OPCML: variants seen among roughly 807,000 people sequenced by gnomAD.
OPCML encodes the protein opioid binding protein/cell adhesion molecule like, also known as opioid-binding protein/cell adhesion molecule.
A neutral mutation model predicts 37.8 loss-of-function variants in OPCML; 13 were observed. The observed-to-expected ratio is 0.34, with a 90% confidence interval of 0.22 to 0.55. The LOEUF (loss-of-function observed/expected upper bound fraction) is 0.55, where lower values mean the gene tolerates loss of function less well. Among genes scored for constraint, OPCML ranks in the 20% least tolerant of loss-of-function variants. The pLI is 0.91. For missense variants in OPCML, 341 were observed against 435.6 expected (o/e 0.78, Z 1.93); for synonymous variants, 176 against 168.8 (o/e 1.04, Z -0.33).
At chr11:133,124,163 A>G (rs1949463089) in intron 1 of OPCML, among the ~76,000 whole-genome samples, 1 of 100,530 alleles carries the variant, frequency 9.9e-6, no homozygotes, top group Non-Finnish European at 2.0e-5. Flanking sequence ...CCATACCCTC[A>G]GGAAATTTAG....
intron 2 of OPCML, among the ~76,000 whole-genome samples, chr11:132,739,507 C>T (rs1435626443): frequency 1.3e-5 from 2 of 152,208 alleles, no homozygotes; most frequent in Non-Finnish European, 2.9e-5. Flanking sequence ...ACCAATCAAC[C>T]AGCTATAGCC....
At chr11:133,138,477 C>G (rs1428668780) in intron 1 of OPCML, among the ~76,000 whole-genome samples, 1 of 152,312 alleles carries the variant, frequency 6.6e-6, no homozygotes, top group South Asian at 2.1e-4. Context: ...TCTATGGTGG[C>G]TAGACAGCCA....
At chr11:132,642,776 T>G (rs1940928492) in intron 3 of OPCML, among the ~76,000 whole-genome samples, 1 of 152,182 alleles carries the variant, frequency 6.6e-6, no homozygotes, top group African/African-American at 2.4e-5. Context: ...CATAGCAAGG[T>G]TGAGTAAATC....
chr11:132,860,921 T>C (rs1052288788), intron 2 of OPCML: 1 of 152,202 alleles, frequency 6.6e-6, no homozygotes, highest in African/African-American at 2.4e-5. Context: ...AAATTTTGTT[T>C]CTCTTTTTGT....
At chr11:133,478,054 T>G (rs80086463) in intron 1 of OPCML, among the ~76,000 whole-genome samples, 2,318 of 152,264 alleles carry the variant, frequency 0.015, 63 homozygotes, top group African/African-American at 0.053. Context: ...ACTAATTAAG[T>G]GGAATTAGTA....
At chr11:132,596,362 CT>C (rs1013938739) in intron 3 of OPCML, among the ~76,000 whole-genome samples, 5 of 151,032 alleles carry the variant, frequency 3.3e-5, no homozygotes, top group African/African-American at 4.9e-5. Context: ...TCTTCTTTTT[CT>C]TTTTTTTTAA....
chr11:133,330,607 G>A (rs554977779), intron 1 of OPCML, among the ~76,000 whole-genome samples: 3 of 151,256 alleles, frequency 2.0e-5, no homozygotes, highest in East Asian at 3.9e-4. Context: ...AACACCAGAT[G>A]TTCTCACTCA....
At chr11:132,543,703 T>C (rs1378504513) in intron 3 of OPCML, among the ~76,000 whole-genome samples, 1 of 152,138 alleles carries the variant, frequency 6.6e-6, no homozygotes, top group Non-Finnish European at 1.5e-5. Context: ...TACACAGTAA[T>C]GGTTCTTTAT....
At chr11:132,444,298 C>T (rs147438575) in intron 4 of OPCML, among the ~76,000 whole-genome samples, 1 of 152,166 alleles carries the variant, frequency 6.6e-6, no homozygotes, top group Non-Finnish European at 1.5e-5. Flanking sequence ...CTCTAGAAAC[C>T]TGTGAGGGTT....
intron 1 of OPCML, among the ~76,000 whole-genome samples, chr11:133,332,297 C>G (rs1053810143): frequency 2.6e-5 from 4 of 152,116 alleles, no homozygotes; most frequent in Non-Finnish European, 5.9e-5. Context: ...TGCAACTTTG[C>G]TGATGTTTTT....
chr11:133,344,658 A>T (rs1303920690), intron 1 of OPCML, among the ~76,000 whole-genome samples: 1 of 151,998 alleles, frequency 6.6e-6, no homozygotes, highest in African/African-American at 2.4e-5. Flanking sequence ...AACCCCCCAC[A>T]CTTCTATCTC....
intron 3 of OPCML, among the ~76,000 whole-genome samples, chr11:132,535,522 T>C (rs2096338293): frequency 6.6e-6 from 1 of 152,180 alleles, no homozygotes; most frequent in Non-Finnish European, 1.5e-5. Flanking sequence ...CAATAAGTAA[T>C]GATACCTCGT....
intron 1 of OPCML, among the ~76,000 whole-genome samples, chr11:133,039,556 A>AGG (rs974904326): frequency 6.6e-5 from 10 of 152,130 alleles, no homozygotes; most frequent in Non-Finnish European, 1.5e-4. Context: ...ACCCATGAAC[A>AGG]GGGGGTGGAT....
chr11:132,480,734 A>T (rs1314439708), intron 4 of OPCML, among the ~76,000 whole-genome samples: 1 of 152,206 alleles, frequency 6.6e-6, no homozygotes, highest in Admixed American at 6.5e-5. Context: ...TAAAGAAAAG[A>T]ATTTTCAACC....
chr11:132,521,606 G>C (rs1056359317), intron 4 of OPCML, among the ~76,000 whole-genome samples: 5 of 151,868 alleles, frequency 3.3e-5, no homozygotes, highest in African/African-American at 1.2e-4. Context: ...GGGGCTTGTC[G>C]GGGTGTGAGG....
At chr11:132,576,282 T>C (rs2096450549) in intron 3 of OPCML, among the ~76,000 whole-genome samples, 1 of 152,102 alleles carries the variant, frequency 6.6e-6, no homozygotes, top group Non-Finnish European at 1.5e-5. Flanking sequence ...ACACCCATAA[T>C]GCATATAAGT....
intron 2 of OPCML, among the ~76,000 whole-genome samples, chr11:132,808,043 T>C (rs1019537227): frequency 7.2e-5 from 11 of 152,346 alleles, no homozygotes; most frequent in Middle Eastern, 3.4e-3. Context: ...GCAATGAATT[T>C]GATCAAGCTA....
chr11:132,939,729 C>T (rs796765013), intron 2 of OPCML, among the ~76,000 whole-genome samples: 2 of 152,324 alleles, frequency 1.3e-5, no homozygotes, highest in African/African-American at 4.8e-5. Context: ...CAGCTGACCA[C>T]ACTGAACATC....
At chr11:132,519,460 A>C (rs955817877) in intron 4 of OPCML, among the ~76,000 whole-genome samples, 7 of 152,122 alleles carry the variant, frequency 4.6e-5, no homozygotes, top group Non-Finnish European at 2.9e-5. Flanking sequence ...GGAGATTCTC[A>C]GGAATTTATG....
Sources: allele counts gnomAD v4.1 joint callset (sites outside exome capture counted in the v4.1 genomes callset), GRCh38; gene constraint gnomAD v4.1.1; transcripts MANE v1.5; gene names NCBI Gene and HGNC (gene_info 2026-07-23, HGNC 2026-07-21).